Variants in SPAG16 observed in about 807,000 individuals in gnomAD.
SPAG16 encodes sperm-associated antigen 16 protein.
A neutral mutation model predicts 80.4 loss-of-function variants in SPAG16; 86 were observed. That is an observed-to-expected ratio of 1.07 (90% CI 0.90 to 1.28). SPAG16 has a LOEUF of 1.28. Among genes scored for constraint, SPAG16 ranks in the 50% most tolerant of loss-of-function variants. SPAG16 has a pLI of 0.00. For synonymous variants in SPAG16, 294 were observed against 265.9 expected, an observed-to-expected ratio of 1.11 and a Z score of -1.03; for missense variants, 870 against 765.3, an observed-to-expected ratio of 1.14 and a Z score of -1.61.
At chr2:213,327,928 C>T (rs1396006962) in intron 5 of SPAG16, among the ~76,000 whole-genome samples, 1 of 152,030 alleles carries the variant, frequency 6.6e-6, no homozygotes, top group Non-Finnish European at 1.5e-5. Context: ...TTGCTATGTG[C>T]AAGACTATGT....
chr2:213,427,681 T>C (rs566976192), intron 9 of SPAG16, among the ~76,000 whole-genome samples: 4 of 152,330 alleles, frequency 2.6e-5, no homozygotes, highest in Admixed American at 1.3e-4. Context: ...TATCTACATA[T>C]TCTCATCCTG....
intron 15 of SPAG16, among the ~76,000 whole-genome samples, chr2:214,193,978 G>GA (rs779123044): frequency 6.6e-6 from 1 of 152,126 alleles, no homozygotes; most frequent in Non-Finnish European, 1.5e-5. Flanking sequence ...CTTTGCACCA[G>GA]AAAAAATTGG....
At chr2:213,398,361 G>C (rs1482098304) in intron 9 of SPAG16, among the ~76,000 whole-genome samples, 1 of 152,080 alleles carries the variant, frequency 6.6e-6, no homozygotes, top group African/African-American at 2.4e-5. Flanking sequence ...CTGAGTTACA[G>C]GTAAGGTCAT....
intron 9 of SPAG16, among the ~76,000 whole-genome samples, chr2:213,435,945 T>C (rs1307576045): frequency 1.3e-5 from 2 of 152,202 alleles, no homozygotes; most frequent in Admixed American, 1.3e-4. Context: ...TAGTTCATGT[T>C]TCATTTAGTT....
chr2:213,887,450 A>G, intron 11 of SPAG16, among the ~76,000 whole-genome samples: 1 of 151,914 alleles, frequency 6.6e-6, no homozygotes, highest in Non-Finnish European at 1.5e-5. Flanking sequence ...CCTGATTAAA[A>G]TTAGAGATTT....
intron 10 of SPAG16, among the ~76,000 whole-genome samples, chr2:213,695,503 C>T (rs1386129997): frequency 6.6e-6 from 1 of 152,138 alleles, no homozygotes; most frequent in Non-Finnish European, 1.5e-5. Context: ...GGATCCTGTT[C>T]TCAGAAAGAC....
chr2:214,239,691 T>G (rs916950157), intron 15 of SPAG16: 1 of 152,126 alleles, frequency 6.6e-6, no homozygotes, highest in East Asian at 1.9e-4. Flanking sequence ...TTGACAAGGA[T>G]GGAGCACTGT....
intron 15 of SPAG16, among the ~76,000 whole-genome samples, chr2:214,191,727 G>GA (rs367694225): frequency 0.17 from 20,060 of 115,468 alleles, 2,882 homozygotes; most frequent in East Asian, 0.43. Flanking sequence ...AAAAAAAAAA[G>GA]AAAAAAAAAA....
intron 12 of SPAG16, among the ~76,000 whole-genome samples, chr2:213,954,334 G>A (rs762255623): frequency 6.6e-6 from 1 of 151,896 alleles, no homozygotes; most frequent in Admixed American, 6.6e-5. Flanking sequence ...GTTCATCAAT[G>A]TTGTAGTATG....
intron 13 of SPAG16, among the ~76,000 whole-genome samples, chr2:214,049,713 G>T (rs1014133016): frequency 7.2e-5 from 11 of 152,210 alleles, no homozygotes; most frequent in Admixed American, 4.6e-4. Context: ...CACAGCCATT[G>T]TAAGTTTATT....
rs1031708887 is a variant in SPAG16, at chr2:213,683,551, C to CA, written c.1071-178922dup. 8.3e-3 allele frequency among the ~76,000 whole-genome samples: 1,123 copies of CA among 134,784 alleles called. 18 individuals carry two copies. Among genetic ancestry groups the CA allele is most frequent in the African/African-American group, 0.027 (990 of 36,702 alleles). 88.4% of individuals were successfully genotyped at this position (134,784 alleles called of 152,430 possible). The stretch of plus-strand genomic sequence containing the variant: ...GGATGATAGAGTGAGACTCCATCTC[C>CA]AAAAAAAAAAAAGATACATAAATAC... On this transcript the variant is annotated intron_variant, in intron 10 of 15. Transcript: ENST00000331683.
At chr2:213,664,738 T>C (rs933419692) in intron 10 of SPAG16, among the ~76,000 whole-genome samples, 1 of 152,180 alleles carries the variant, frequency 6.6e-6, no homozygotes, top group South Asian at 2.1e-4. Context: ...ACTAAGAAAT[T>C]TCTATTATTA....
chr2:214,113,670 A>G (rs921603045), intron 14 of SPAG16, among the ~76,000 whole-genome samples: 1 of 152,206 alleles, frequency 6.6e-6, no homozygotes, highest in Non-Finnish European at 1.5e-5. Flanking sequence ...TTTCAGCTCC[A>G]TCAAGTCATT....
chr2:213,760,083 G>A (rs1211185612), intron 10 of SPAG16, among the ~76,000 whole-genome samples: 10 of 151,924 alleles, frequency 6.6e-5, no homozygotes, highest in Admixed American at 6.6e-4. Context: ...GACAGAAGTA[G>A]CTTCCTTCTT....
intron 10 of SPAG16, among the ~76,000 whole-genome samples, chr2:213,610,745 A>G (rs2061416047): frequency 6.6e-6 from 1 of 152,172 alleles, no homozygotes; most frequent in African/African-American, 2.4e-5. Flanking sequence ...CGTCTACCCT[A>G]GGTACAATGC....
intron 9 of SPAG16, among the ~76,000 whole-genome samples, chr2:213,434,307 G>C (rs339824): frequency 0.15 from 22,155 of 152,016 alleles, 3,528 homozygotes; most frequent in African/African-American, 0.4. Flanking sequence ...TCAGCATATA[G>C]AAAAATCAAC....
intron 15 of SPAG16, among the ~76,000 whole-genome samples, chr2:214,182,077 G>A (rs1279888785): frequency 1.3e-5 from 2 of 151,600 alleles, no homozygotes; most frequent in African/African-American, 4.8e-5. Context: ...ACTTGATCAT[G>A]GAATAAAATG....
intron 15 of SPAG16, among the ~76,000 whole-genome samples, chr2:214,372,941 GGCTACCTGCATT>G (rs1468623995): frequency 3.9e-5 from 6 of 152,042 alleles, no homozygotes; most frequent in Non-Finnish European, 7.4e-5. Context: ...CAGCAAATGG[GGCTACCTGCATT>G]TCCTGATGCT....
At chr2:213,628,690 A>G (rs2062042759) in intron 10 of SPAG16, among the ~76,000 whole-genome samples, 1 of 152,200 alleles carries the variant, frequency 6.6e-6, no homozygotes, top group Admixed American at 6.5e-5. Flanking sequence ...ACTAGCCTTA[A>G]TTATTTGTGT....
Sources: gnomAD v4.1 joint callset for allele counts (sites outside exome capture counted in the v4.1 genomes callset) on GRCh38, gnomAD v4.1.1 for gene constraint, MANE v1.5 for transcripts, NCBI Gene and HGNC (gene_info 2026-07-23, HGNC 2026-07-21) for gene names.